RUNX1: variants seen among roughly 807,000 people sequenced by gnomAD.
RUNX1 encodes runt-related transcription factor 1.
A neutral mutation model predicts 42.8 loss-of-function variants in RUNX1; 19 were observed. That is an observed-to-expected ratio of 0.44 (90% confidence interval 0.31 to 0.65). RUNX1 has a LOEUF of 0.65. Ranked by LOEUF, RUNX1 falls within the 30% of genes least tolerant of loss-of-function variation. RUNX1 has a pLI of 0.07. For synonymous variants in RUNX1, 271 were observed against 289.4 expected (o/e 0.94, Z 0.64); for missense variants, 528 against 672.0 (o/e 0.79, Z 2.37).
At chr21:34,871,271 C>T (rs2057733257) in intron 5 of RUNX1, among the ~76,000 whole-genome samples, 1 of 152,202 alleles carries the variant, frequency 6.6e-6, no homozygotes, top group East Asian at 1.9e-4. Context: ...GTCCCTGGCT[C>T]AGACACCGTC....
At chr21:35,048,363 C>T (rs1223256197) in intron 2 of RUNX1, among the ~76,000 whole-genome samples, 3 of 152,242 alleles carry the variant, frequency 2.0e-5, no homozygotes, top group Non-Finnish European at 2.9e-5. Flanking sequence ...GAGCCTCCGC[C>T]TCCTGCCCCA....
At chr21:34,968,159 ATGTC>A (rs1229360144) in intron 2 of RUNX1, among the ~76,000 whole-genome samples, 1 of 152,124 alleles carries the variant, frequency 6.6e-6, no homozygotes, top group Non-Finnish European at 1.5e-5. Context: ...CTGTGTGTCT[ATGTC>A]TGAGTGGGCG....
intron 5 of RUNX1, among the ~76,000 whole-genome samples, chr21:34,863,907 T>TC (rs1451306998): frequency 6.6e-6 from 1 of 152,186 alleles, no homozygotes; most frequent in Non-Finnish European, 1.5e-5. Context: ...TGGTTCTCCC[T>TC]CACAAAGGGC....
At chr21:35,001,116 C>T (rs1408119950) in intron 2 of RUNX1, among the ~76,000 whole-genome samples, 4 of 152,126 alleles carry the variant, frequency 2.6e-5, no homozygotes, top group African/African-American at 9.7e-5. Flanking sequence ...CTGGTTTTAC[C>T]TCCAAAACAG....
chr21:34,899,855 T>C (rs750378775), intron 2 of RUNX1, among the ~76,000 whole-genome samples: 4 of 152,154 alleles, frequency 2.6e-5, no homozygotes, highest in Non-Finnish European at 4.4e-5. Context: ...CTTTAAACCA[T>C]TAGGACAGGC....
At chr21:34,801,877 A>G (rs2834637) in intron 7 of RUNX1, among the ~76,000 whole-genome samples, 8,473 of 152,294 alleles carry the variant, frequency 0.056, 554 homozygotes, top group African/African-American at 0.16. Context: ...CCACCCGAGC[A>G]CTGGACTAAT....
rs1555906453 is a variant in RUNX1 at position 34,930,289 on chromosome 21, T to TATATATATATATATATATATATAA, written c.59-37327_59-37326insTTATATATATATATATATATATAT. Among the ~76,000 whole-genome samples, 122 of 137,194 alleles carry TATATATATATATATATATATATAA rather than the reference T, an allele frequency of 8.9e-4. 1 individual carries two copies. The highest frequency in any genetic ancestry group is 3.4e-3 in the African/African-American group (109 of 31,864). The allele number at this position is 137,194 out of a possible 152,430, so 90.0% of individuals were successfully genotyped here. Reference sequence around the variant, plus strand: ...GTGTATGTATATATATATATATATATATAAATAAATAAATAAAATTTTACA... The same window carrying TATATATATATATATATATATATAA: ...GTGTATGTATATATATATATATATATATATATATATATATATATATATAAATAAATAAATAAATAAAATTTTACA... On this transcript the variant is annotated intron_variant, in intron 2 of 8. Coordinates refer to ENST00000675419, the MANE Select transcript of RUNX1 (RefSeq NM_001754.5).
rs188419436 is a variant in RUNX1, at chr21:34,856,221, C to T, written c.613+3253G>A. On this transcript the variant is annotated intron_variant, in intron 6 of 8. Coordinates refer to ENST00000675419, the MANE Select transcript of RUNX1 (RefSeq NM_001754.5). ...CATTCTCAGTCCTTAACTTAGTCAG[C>T]GGAATGGCAGGTTGAATGGCAGTTT... is the stretch of plus-strand genomic sequence containing the variant. The T allele has an allele frequency of 4.2e-4, 176 of 417,314 alleles. 1 individual carries two copies. The East Asian group carries it at 9.2e-3, about 22-fold the overall frequency. 25.9% of individuals were successfully genotyped at this position (417,314 alleles called of 1,614,324 possible).
intron 7 of RUNX1, among the ~76,000 whole-genome samples, chr21:34,829,600 G>C (rs560921644): frequency 6.6e-6 from 1 of 152,138 alleles, no homozygotes; most frequent in Non-Finnish European, 1.5e-5. Flanking sequence ...TCATTCACCT[G>C]TCATGTTTAT....
chr21:34,889,763 C>A (rs2058056519), intron 3 of RUNX1: 2 of 1,155,754 alleles, frequency 1.7e-6, no homozygotes, highest in Middle Eastern at 3.2e-4. Flanking sequence ...AGGGCCCCGC[C>A]CCCGGTCCGG....
intron 2 of RUNX1, among the ~76,000 whole-genome samples, chr21:34,912,378 G>T (rs2058279493): frequency 6.6e-6 from 1 of 151,872 alleles, no homozygotes; most frequent in Admixed American, 6.6e-5. Context: ...ATACTCTTGG[G>T]TGCCCTGAGG....
In RUNX1 at chr21:34,787,912, C is replaced by T. The variant is rs1461810835; in HGVS notation, c.*4223G>A. 1 of 233,268 alleles carries T rather than the reference C, an allele frequency of 4.3e-6. No individual in the cohort carries two copies. Among genetic ancestry groups the T allele is most frequent in the Admixed American group, 5.6e-5 (1 of 17,780 alleles). 14.4% of individuals were successfully genotyped at this position (233,268 alleles called of 1,614,324 possible). ...GAGGAAGGCTCTGGTGGCTCCTGAA[C>T]AGCAGCAGTCCAGCTGCCCTGCTCA... On this transcript the variant is annotated 3_prime_UTR_variant, in exon 9 of 9. Coordinates refer to ENST00000675419, the MANE Select transcript of RUNX1 (RefSeq NM_001754.5).
Position 34,848,538 on chromosome 21 carries a change from G to A in RUNX1, c.613+10936C>T, listed in dbSNP as rs185648174. 8.1e-4 allele frequency among the ~76,000 whole-genome samples: 123 copies of A among 152,314 alleles called. No individual in the cohort carries two copies. In the Middle Eastern group the frequency reaches 0.01, roughly 13 times the overall value. ...CAACCTCTGCCTCTCGAGTTCAAGT[G>A]ATTCTCCTGCCTCAGCATCCCGAGT... On this transcript the variant is annotated intron_variant, in intron 6 of 8. Coordinates refer to ENST00000675419, the MANE Select transcript of RUNX1 (RefSeq NM_001754.5).
chr21:34,825,488 T>C (rs2056973685), intron 7 of RUNX1, among the ~76,000 whole-genome samples: 1 of 152,184 alleles, frequency 6.6e-6, no homozygotes, highest in African/African-American at 2.4e-5. Flanking sequence ...TACTATGATG[T>C]TGCGTTCAAA....
Position 34,970,436 on chromosome 21 carries a change from G to A in RUNX1, c.59-77473C>T, listed in dbSNP as rs1270670177. 2.0e-5 allele frequency among the ~76,000 whole-genome samples: 3 copies of A among 152,224 alleles called. No individual in the cohort carries two copies. The East Asian group carries it at 5.8e-4, about 29-fold the overall frequency. Reference sequence around the variant, plus strand: ...AAATTCAGCCCTTTTCCTGGGAGAAGACAGATGTGGCAGAAGAACAGGGGC... The same window carrying A: ...AAATTCAGCCCTTTTCCTGGGAGAAAACAGATGTGGCAGAAGAACAGGGGC... On this transcript the variant is annotated intron_variant, in intron 2 of 8. Coordinates refer to ENST00000675419, the MANE Select transcript of RUNX1 (RefSeq NM_001754.5).
intron 8 of RUNX1, among the ~76,000 whole-genome samples, chr21:34,795,588 G>A (rs1019045521): frequency 6.6e-6 from 1 of 152,202 alleles, no homozygotes; most frequent in African/African-American, 2.4e-5. Flanking sequence ...TTCAAAGCCA[G>A]GCAGACATGT....
chr21:35,031,647 A>T (rs2059274223), intron 2 of RUNX1, among the ~76,000 whole-genome samples: 1 of 152,212 alleles, frequency 6.6e-6, no homozygotes, highest in Non-Finnish European at 1.5e-5. Flanking sequence ...ATGAATAAAG[A>T]AACTGTGATG....
At chr21:34,818,368 G>T (rs1244956950) in intron 7 of RUNX1, among the ~76,000 whole-genome samples, 1 of 152,214 alleles carries the variant, frequency 6.6e-6, no homozygotes, top group African/African-American at 2.4e-5. Flanking sequence ...ATAAGAGCGG[G>T]GGAAGGGAGG....
At chr21:34,868,434 G>A (rs1454222991) in intron 5 of RUNX1, among the ~76,000 whole-genome samples, 2 of 152,166 alleles carry the variant, frequency 1.3e-5, no homozygotes, top group Non-Finnish European at 2.9e-5. Flanking sequence ...CAACGTGGAT[G>A]TTAAGGCAAT....
Sources: allele counts gnomAD v4.1 joint callset (sites outside exome capture counted in the v4.1 genomes callset), GRCh38; gene constraint gnomAD v4.1.1; transcripts MANE v1.5; gene names NCBI Gene and HGNC (gene_info 2026-07-23, HGNC 2026-07-21).